The following LANCL3 variants were observed in gnomAD, a reference collection of about 807,000 sequenced individuals.
The protein encoded by LANCL3 is lanC-like protein 3.
Under a neutral mutation model 26.5 loss-of-function variants are expected in LANCL3, and 19 were observed. That is an observed-to-expected ratio of 0.72 (90% CI 0.50 to 1.05). LANCL3 has a LOEUF of 1.05. Ranked by LOEUF, LANCL3 falls within the 50% of genes least tolerant of loss-of-function variation. The pLI, the probability that LANCL3 is intolerant of heterozygous loss-of-function variation, is 0.00. For missense variants in LANCL3, 318 were observed against 362.7 expected, an observed-to-expected ratio of 0.88 and a Z score of 1.00; for synonymous variants, 160 against 166.6, an observed-to-expected ratio of 0.96 and a Z score of 0.30.
rs1362018330 is a variant in LANCL3 at position 37,681,132 on chromosome X, C to A, written c.*5319C>A. ...AGAATTGTGCTGTGAGCCACGAATGCAAACCACATATGCAATTTTCAAATT... is the reference window on the plus strand; with the variant it reads ...AGAATTGTGCTGTGAGCCACGAATGAAAACCACATATGCAATTTTCAAATT... On this transcript the variant is annotated 3_prime_UTR_variant, in exon 5 of 5. Transcript: ENST00000378619. 2.7e-5 allele frequency: 3 copies of A among 111,945 alleles called. No homozygotes were observed. In the East Asian group the frequency reaches 8.3e-4, roughly 31 times the overall value. The allele number at this position is 111,945 out of a possible 1,213,427, so 9.2% of individuals were successfully genotyped here. A position where few individuals can be genotyped will look rare whatever the true frequency, so the allele number is the denominator to read the frequency against.
At chrX:37,589,389 A>G (rs1296568147) in intron 1 of LANCL3, among the ~76,000 whole-genome samples, 1 of 111,153 alleles carries the variant, frequency 9.0e-6, no homozygotes, top group Non-Finnish European at 1.9e-5. Flanking sequence ...AGCAGCACCT[A>G]CCTCATAGGT....
At chrX:37,653,122 C>T (rs1208620572) in intron 1 of LANCL3, among the ~76,000 whole-genome samples, 2 of 110,740 alleles carry the variant, frequency 1.8e-5, no homozygotes, top group African/African-American at 6.6e-5. Context: ...AGGAAACCAC[C>T]CAGACATGAT....
intron 1 of LANCL3, among the ~76,000 whole-genome samples, chrX:37,610,739 A>T (rs1198167515): frequency 1.8e-5 from 2 of 112,313 alleles, no homozygotes; most frequent in South Asian, 7.4e-4. Context: ...GAAGTTGCAA[A>T]TATTTATCAG....
At chrX:37,572,804 G>A (rs1460936871) in intron 1 of LANCL3, among the ~76,000 whole-genome samples, 3 of 112,034 alleles carry the variant, frequency 2.7e-5, no homozygotes, top group African/African-American at 9.8e-5. Context: ...GCTGTCAAAA[G>A]CTGAGGCATC....
At chrX:37,650,777 T>G (rs994145811) in intron 1 of LANCL3, among the ~76,000 whole-genome samples, 1 of 107,613 alleles carries the variant, frequency 9.3e-6, no homozygotes, top group African/African-American at 3.4e-5. Context: ...CTAGGGTACA[T>G]GTGCACAATG....
chrX:37,601,338 G>A (rs149395241), intron 1 of LANCL3, among the ~76,000 whole-genome samples: 1 of 111,463 alleles, frequency 9.0e-6, no homozygotes, highest in African/African-American at 3.3e-5. Flanking sequence ...GGTGAAACTC[G>A]AGTGACGAGA....
chrX:37,652,744 A>G (rs782025808), intron 1 of LANCL3, among the ~76,000 whole-genome samples: 1 of 111,273 alleles, frequency 9.0e-6, no homozygotes, highest in Non-Finnish European at 1.9e-5. Context: ...GAGTGTCTCA[A>G]AAGCACAGAG....
chrX:37,648,716 A>G (rs1402745819), intron 1 of LANCL3, among the ~76,000 whole-genome samples: 1 of 112,280 alleles, frequency 8.9e-6, no homozygotes, highest in Admixed American at 9.4e-5. Context: ...TACTCATCTG[A>G]CAAAGGTCTA....
At chrX:37,581,830 G>A (rs1295320965) in intron 1 of LANCL3, among the ~76,000 whole-genome samples, 1 of 111,239 alleles carries the variant, frequency 9.0e-6, no homozygotes. Flanking sequence ...TGTGCACACT[G>A]TGCAGGTTTG....
At position 37,628,939 on chromosome X, in the gene LANCL3, T is replaced by A. The variant is rs1177579796; in HGVS notation, c.574-26749T>A. Among the ~76,000 whole-genome samples the A allele has an allele frequency of 1.3e-4, 14 of 110,825 alleles. No homozygotes were observed. In the Admixed American group the frequency reaches 1.3e-3, roughly 11 times the overall value. On this transcript the variant is annotated intron_variant, in intron 1 of 4. Coordinates refer to ENST00000378619, the MANE Select transcript of LANCL3 (RefSeq NM_001170331.2). ...GCATGTGTCGTTATAGCAGCATGAT[T>A]TATAGTCCTTTGGGTGTATGCCCAG...
intron 4 of LANCL3, among the ~76,000 whole-genome samples, chrX:37,673,868 T>C (rs1325029316): frequency 2.7e-5 from 3 of 111,885 alleles, no homozygotes; most frequent in African/African-American, 9.7e-5. Context: ...GGGTTTCTTT[T>C]ATACTATGAT....
chrX:37,673,672 T>C (rs1602138740), intron 4 of LANCL3, among the ~76,000 whole-genome samples: 1 of 111,816 alleles, frequency 8.9e-6, no homozygotes, highest in East Asian at 2.8e-4. Context: ...CAGACATTGC[T>C]GGTACTATTT....
chrX:37,645,110 G>A (rs1453085539), intron 1 of LANCL3, among the ~76,000 whole-genome samples: 2 of 112,488 alleles, frequency 1.8e-5, no homozygotes, highest in Non-Finnish European at 3.8e-5. Flanking sequence ...GTGCAGACTG[G>A]GTTACCAGCT....
In LANCL3 at chrX:37,572,117, C is replaced by A; in HGVS notation, c.247C>A (p.Pro83Thr). The A allele has an allele frequency of 8.4e-7, 1 of 1,194,349 alleles. No individual in the cohort carries two copies. Among genetic ancestry groups the A allele is most frequent in the African/African-American group, 1.7e-5 (1 of 57,691 alleles). ...AYMLYHVSQS[P>T]LFATARERYL... ...TATGCTCTACCACGTCTCGCAGAGC[C>A]CGCTTTTCGCCACGGCCCGGGAACG... is the stretch of plus-strand genomic sequence containing the variant. The change falls in exon 1 of 5, where the codon CCG becomes ACG. Residue 83 changes from proline to threonine, a missense_variant. By Grantham distance (38) the Pro-to-Thr change is conservative. Transcript: ENST00000378619.
At chrX:37,634,128 T>A (rs1925629638) in intron 1 of LANCL3, among the ~76,000 whole-genome samples, 1 of 112,758 alleles carries the variant, frequency 8.9e-6, no homozygotes, top group South Asian at 3.7e-4. Context: ...TAAGCAAGCC[T>A]GGGCAATGGC....
rs372917264 is a variant in LANCL3 at position 37,650,334 on chromosome X, G to A, written c.574-5354G>A. Among the ~76,000 whole-genome samples, 14 of 100,970 alleles carry A rather than the reference G, an allele frequency of 1.4e-4. No individual in the cohort carries two copies. The East Asian group carries it at 2.5e-3, about 18-fold the overall frequency. 87.7% of individuals were successfully genotyped at this position (100,970 alleles called of 115,157 possible). On this transcript the variant is annotated intron_variant, in intron 1 of 4. Coordinates refer to ENST00000378619, the MANE Select transcript of LANCL3 (RefSeq NM_001170331.2). The stretch of plus-strand genomic sequence containing the variant: ...AAAAAAAAAAAAAAGCCCCAATGCC[G>A]GGTCCCATGCCCAGAAGAGTCTTAG...
chrX:37,616,945 T>C (rs2146740853), intron 1 of LANCL3, among the ~76,000 whole-genome samples: 1 of 111,989 alleles, frequency 8.9e-6, no homozygotes, highest in African/African-American at 3.2e-5. Context: ...GTGATTTGTA[T>C]GTACATTAAA....
chrX:37,587,696 C>G (rs1924143332), intron 1 of LANCL3, among the ~76,000 whole-genome samples: 1 of 112,733 alleles, frequency 8.9e-6, no homozygotes, highest in African/African-American at 3.2e-5. Flanking sequence ...CCATCTGTCA[C>G]AGCTTTGCTT....
chrX:37,610,185 A>G (rs1924828452), intron 1 of LANCL3, among the ~76,000 whole-genome samples: 1 of 111,907 alleles, frequency 8.9e-6, no homozygotes, highest in South Asian at 3.8e-4. Context: ...TCTGCTGGGA[A>G]TTCATCTGGG....
Sources: allele counts gnomAD v4.1 joint callset (sites outside exome capture counted in the v4.1 genomes callset), GRCh38; gene constraint gnomAD v4.1.1; transcripts MANE v1.5; gene names NCBI Gene and HGNC (gene_info 2026-07-23, HGNC 2026-07-21).